The following UMAD1 variants were observed in gnomAD, a reference collection of about 807,000 sequenced individuals.
UMAD1 encodes UBAP1-MVB12-associated (UMA) domain containing 1, also known as UBAP1-MVB12-associated (UMA)-domain containing protein 1.
A neutral mutation model predicts 6.1 loss-of-function variants in UMAD1; 8 were observed. The observed-to-expected ratio is 1.30, with a 90% confidence interval of 0.76 to 2.35. The LOEUF (loss-of-function observed/expected upper bound fraction) is 2.35. Ranked by LOEUF, UMAD1 falls within the 30% of genes most tolerant of loss-of-function variation. UMAD1 has a pLI of 0.00. For synonymous variants in UMAD1, 56 were observed against 31.4 expected, an observed-to-expected ratio of 1.78 and a Z score of -2.61; for missense variants, 130 against 78.4, an observed-to-expected ratio of 1.66 and a Z score of -2.49.
chr7:7,723,172 C>T (rs1174677199), intron 2 of UMAD1, among the ~76,000 whole-genome samples: 1 of 152,056 alleles, frequency 6.6e-6, no homozygotes, highest in Non-Finnish European at 1.5e-5. Flanking sequence ...AGAGTGTGAC[C>T]CATGAGGAGG....
At chr7:7,757,828 C>A (rs889038363) in intron 2 of UMAD1, among the ~76,000 whole-genome samples, 3 of 152,106 alleles carry the variant, frequency 2.0e-5, no homozygotes, top group African/African-American at 7.2e-5. Flanking sequence ...GTAATATATG[C>A]CCACTAAGTC....
intron 3 of UMAD1, among the ~76,000 whole-genome samples, chr7:7,844,031 T>G (rs1449006896): frequency 6.6e-6 from 1 of 152,230 alleles, no homozygotes; most frequent in East Asian, 1.9e-4. Context: ...CCAGTGGGAA[T>G]GAAGGAATGC....
intron 3 of UMAD1, among the ~76,000 whole-genome samples, chr7:7,827,116 G>A (rs1783356360): frequency 8.1e-6 from 1 of 123,800 alleles, no homozygotes; most frequent in East Asian, 2.0e-4. Flanking sequence ...CAGTCTCACA[G>A]TCCAGGATAT....
intron 2 of UMAD1, among the ~76,000 whole-genome samples, chr7:7,685,262 C>A (rs936755929): frequency 1.3e-5 from 2 of 151,482 alleles, no homozygotes; most frequent in Non-Finnish European, 2.9e-5. Context: ...TCATTGCATG[C>A]AACCAATGCA....
chr7:7,876,309 C>A (rs1039755724), intron 3 of UMAD1, among the ~76,000 whole-genome samples: 3 of 152,086 alleles, frequency 2.0e-5, no homozygotes, highest in African/African-American at 7.2e-5. Flanking sequence ...TAGGCCAGGG[C>A]ACACGAGCTG....
chr7:7,662,683 C>T (rs1328639428), intron 1 of UMAD1, among the ~76,000 whole-genome samples: 1 of 152,144 alleles, frequency 6.6e-6, no homozygotes, highest in African/African-American at 2.4e-5. Context: ...AGCCGGGTAC[C>T]TCAGTTGGAA....
At chr7:7,649,811 A>G (rs890624065) in intron 1 of UMAD1, among the ~76,000 whole-genome samples, 1 of 152,122 alleles carries the variant, frequency 6.6e-6, no homozygotes, top group African/African-American at 2.4e-5. Context: ...ATTAGGAGGT[A>G]AGGCCTTTGA....
At chr7:7,873,741 T>C (rs1411973097) in intron 3 of UMAD1, among the ~76,000 whole-genome samples, 1 of 152,250 alleles carries the variant, frequency 6.6e-6, no homozygotes, top group Non-Finnish European at 1.5e-5. Flanking sequence ...AAATTCTCTA[T>C]GGATTTTTTC....
At chr7:7,709,096 AT>A (rs989269617) in intron 2 of UMAD1, among the ~76,000 whole-genome samples, 24 of 152,228 alleles carry the variant, frequency 1.6e-4, no homozygotes, top group African/African-American at 5.8e-4. Context: ...TTGCATAATA[AT>A]TTCTTAGATA....
intron 3 of UMAD1, among the ~76,000 whole-genome samples, chr7:7,826,503 C>T (rs573304020): frequency 6.6e-6 from 1 of 152,280 alleles, no homozygotes; most frequent in East Asian, 1.9e-4. Flanking sequence ...TAGCCACTCA[C>T]TTCCCACCAT....
chr7:7,828,263 T>C (rs2115302518), intron 3 of UMAD1, among the ~76,000 whole-genome samples: 1 of 152,296 alleles, frequency 6.6e-6, no homozygotes, highest in Non-Finnish European at 1.5e-5. Context: ...AAAGCTATTA[T>C]TTGTTGTTCT....
intron 3 of UMAD1, among the ~76,000 whole-genome samples, chr7:7,813,871 C>A (rs1394213920): frequency 1.3e-5 from 2 of 152,200 alleles, no homozygotes; most frequent in Non-Finnish European, 2.9e-5. Context: ...TGAGAAACTG[C>A]TGTGTGGAAT....
chr7:7,755,679 C>T (rs924003471), intron 2 of UMAD1, among the ~76,000 whole-genome samples: 1 of 151,968 alleles, frequency 6.6e-6, no homozygotes, highest in Non-Finnish European at 1.5e-5. Context: ...GAGAGTTTTG[C>T]AGAAAAATTT....
rs537202301 is a variant in UMAD1, at chr7:7,801,720, A to G, written c.133A>G (p.Ile45Val). Reference sequence around the variant, plus strand: ...GACAGCAAGAGGCAAAACTTCGGACATAGAGGCCAACCAACCTTTGGAGGT... The same window carrying G: ...GACAGCAAGAGGCAAAACTTCGGACGTAGAGGCCAACCAACCTTTGGAGGT... ...RMTARGKTSD[I>V]EANQPLETNK... is the part of the protein sequence containing the mutation. Residue 45 changes from isoleucine (I) to valine (V), a missense_variant, in exon 3 of 4, where the codon ATA (isoleucine) becomes GTA (valine). Coordinates refer to ENST00000682710, the MANE Select transcript of UMAD1 (RefSeq NM_001302348.2). 170 of 718,034 alleles carry G rather than the reference A, an allele frequency of 2.4e-4. No individual in the cohort carries two copies. Among genetic ancestry groups the G allele is most frequent in the Non-Finnish European group, 4.2e-4 (160 of 385,230 alleles). 44.5% of individuals were successfully genotyped at this position (718,034 alleles called of 1,614,324 possible).
At chr7:7,721,461 G>T (rs948697596) in intron 2 of UMAD1, among the ~76,000 whole-genome samples, 1 of 152,192 alleles carries the variant, frequency 6.6e-6, no homozygotes, top group Non-Finnish European at 1.5e-5. Context: ...AGCCGTAGGG[G>T]ATACTGCCAT....
At chr7:7,734,791 A>G (rs1488430588) in intron 2 of UMAD1, among the ~76,000 whole-genome samples, 1 of 152,156 alleles carries the variant, frequency 6.6e-6, no homozygotes, top group Non-Finnish European at 1.5e-5. Context: ...TGTGGTCTTT[A>G]AAGGAAAATG....
intron 2 of UMAD1, among the ~76,000 whole-genome samples, chr7:7,790,958 T>C (rs1782556668): frequency 6.6e-6 from 1 of 152,226 alleles, no homozygotes; most frequent in South Asian, 2.1e-4. Context: ...TGGTGCGATC[T>C]TGGCTCACTG....
chr7:7,811,235 TG>T (rs778520866), intron 3 of UMAD1, among the ~76,000 whole-genome samples: 158 of 152,304 alleles, frequency 1.0e-3, no homozygotes, highest in Middle Eastern at 3.4e-3. Context: ...ATCAAAGACT[TG>T]CCAGGATTTT....
chr7:7,676,186 G>A (rs570527061), intron 2 of UMAD1: 3 of 398,616 alleles, frequency 7.5e-6, no homozygotes, highest in Admixed American at 8.8e-5. Flanking sequence ...GTGGCTCCAC[G>A]ACTTACTCTC....
Sources: allele counts gnomAD v4.1 joint callset (sites outside exome capture counted in the v4.1 genomes callset), GRCh38; gene constraint gnomAD v4.1.1; transcripts MANE v1.5; gene names NCBI Gene and HGNC (gene_info 2026-07-23, HGNC 2026-07-21).